Variants in CKAP5 observed in about 807,000 individuals in gnomAD.
CKAP5 encodes cytoskeleton associated protein 5, also known as cytoskeleton-associated protein 5.
In CKAP5, 27 loss-of-function variants were observed where a neutral mutation model predicts 232.8. That is an observed-to-expected ratio of 0.12 (90% CI 0.09 to 0.16). CKAP5 has a LOEUF of 0.16. CKAP5 is among the 10% of genes least tolerant of loss of function. The probability of loss-of-function intolerance (pLI) is 1.00; values close to 1 mark genes in which losing one functional copy is unlikely to be tolerated. For synonymous variants in CKAP5, 785 were observed against 841.1 expected, an observed-to-expected ratio of 0.93 and a Z score of 1.16; for missense variants, 1,838 against 2,424.7, an observed-to-expected ratio of 0.76 and a Z score of 5.08.
chr11:46,777,740 C>A (rs1397916573), intron 22 of CKAP5, among the ~76,000 whole-genome samples, 188 bp from the exon 23 acceptor site: 1 of 152,190 alleles, frequency 6.6e-6, no homozygotes, highest in Non-Finnish European at 1.5e-5. Context: ...GCCTTTTTAT[C>A]ATCAGTTCGT....
Position 46,822,040 on chromosome 11 carries a change from A to G in CKAP5, c.-37-772T>C, listed in dbSNP as rs538695409. Reference sequence around the variant, plus strand: ...GGCGACAGAGTAAGACTCCATCTCAAAAAAATAAAGTCACTCAAAAAATAT... The same window carrying G: ...GGCGACAGAGTAAGACTCCATCTCAGAAAAATAAAGTCACTCAAAAAATAT... On this transcript the variant is annotated intron_variant, in intron 1 of 43. Coordinates refer to ENST00000529230, the MANE Select transcript of CKAP5 (RefSeq NM_001008938.4). Among the ~76,000 whole-genome samples, 68 of 152,174 alleles carry G rather than the reference A, an allele frequency of 4.5e-4. 2 individuals carry two copies. The South Asian group carries it at 0.013, about 30-fold the overall frequency.
chr11:46,789,567 C>A (rs1565736556), intron 15 of CKAP5, among the ~76,000 whole-genome samples: 1 of 152,022 alleles, frequency 6.6e-6, no homozygotes, highest in Non-Finnish European at 1.5e-5. Context: ...GAGGCTGAGG[C>A]GGGCGGATCA....
chr11:46,799,024 C>T (rs931287248), intron 9 of CKAP5, among the ~76,000 whole-genome samples: 14 of 152,278 alleles, frequency 9.2e-5, no homozygotes, highest in African/African-American at 3.1e-4. Flanking sequence ...ACCTATTTGC[C>T]GCCTCTGCTC....
Position 46,811,159 on chromosome 11 carries a change from T to G in CKAP5, c.478A>C (p.Ile160Leu). 6.2e-7 allele frequency: 1 copy of G among 1,612,804 alleles called. No individual in the cohort carries two copies. The highest frequency in any genetic ancestry group is 8.5e-7 in the Non-Finnish European group (1 of 1,179,616). The change falls in exon 5 of 44, where the codon ATC (isoleucine) becomes CTC (leucine). Residue 160 changes from isoleucine to leucine, a missense_variant. This residue lies in a region of CKAP5 where 285 missense variants were observed against 300.0 expected (regional missense o/e 0.95). Transcript: ENST00000529230. Reference sequence around the variant, plus strand: ...ACTTTGATAATTGGCTTAAGCAAGATGATTTTGGAACCAAATTCACTACAA... The same window carrying G: ...ACTTTGATAATTGGCTTAAGCAAGAGGATTTTGGAACCAAATTCACTACAA... ...KALSEFGSKI[I>L]LLKPIIKVLP...
intron 18 of CKAP5, 44 bp from the exon 19 acceptor site, chr11:46,780,529 C>G (rs753442859): frequency 2.0e-6 from 3 of 1,532,302 alleles, no homozygotes; most frequent in Non-Finnish European, 2.7e-6. Context: ...ATGAAACCCT[C>G]AAAATACTCA....
chr11:46,747,136 A>G (rs1347725233), intron 42 of CKAP5, among the ~76,000 whole-genome samples: 2 of 152,150 alleles, frequency 1.3e-5, no homozygotes, highest in Non-Finnish European at 2.9e-5. Context: ...CCCTGTCTCA[A>G]AATAAATAAT....
At position 46,829,884 on chromosome 11, in the gene CKAP5, A is replaced by G. The variant is rs376544562; in HGVS notation, c.-37-8616T>C. 1.7e-4 allele frequency among the ~76,000 whole-genome samples: 23 copies of G among 137,006 alleles called. 1 individual carries two copies. The highest frequency in any genetic ancestry group is 2.8e-5 in the African/African-American group (1 of 36,138). 89.9% of individuals were successfully genotyped at this position (137,006 alleles called of 152,430 possible). ...TGTGTGTGTGTGTGTGTGTGTGTGT[A>G]TCTCACATACACATTTACATATGCA... On this transcript the variant is annotated intron_variant, in intron 1 of 43. Transcript: ENST00000529230.
intron 24 of CKAP5, among the ~76,000 whole-genome samples, chr11:46,771,867 A>G (rs182018472): frequency 1.3e-5 from 2 of 152,302 alleles, no homozygotes; most frequent in African/African-American, 4.8e-5. Context: ...TATTTCCTGA[A>G]GTAGTTGTAC....
chr11:46,841,997 C>CAAAA (rs3031699), intron 1 of CKAP5, among the ~76,000 whole-genome samples: 1 of 109,418 alleles, frequency 9.1e-6, no homozygotes, highest in African/African-American at 3.6e-5. Flanking sequence ...GACTTTGGTT[C>CAAAA]AAAAAAAAAA....
intron 42 of CKAP5, among the ~76,000 whole-genome samples, chr11:46,749,609 G>A (rs1220052403): frequency 6.6e-6 from 1 of 151,982 alleles, no homozygotes; most frequent in Admixed American, 6.6e-5. Context: ...GGAAATAAGA[G>A]AAAGAGAGAA....
At chr11:46,822,741 CAAAAAA>C (rs57170422) in intron 1 of CKAP5, among the ~76,000 whole-genome samples, 1 of 77,874 alleles carries the variant, frequency 1.3e-5, no homozygotes, top group African/African-American at 5.0e-5. Context: ...GACTCCGTCC[CAAAAAA>C]AAAAAAAAAA....
intron 38 of CKAP5, among the ~76,000 whole-genome samples, chr11:46,752,420 A>G (rs1321486774): frequency 6.6e-6 from 1 of 151,428 alleles, no homozygotes; most frequent in Non-Finnish European, 1.5e-5. Flanking sequence ...TCCTCAACTC[A>G]GCCTCCTGAG....
At chr11:46,761,959 C>A in intron 32 of CKAP5, 41 bp downstream of exon 32, 1 of 1,531,966 alleles carries the variant, frequency 6.5e-7, no homozygotes, top group Non-Finnish European at 8.9e-7. Flanking sequence ...TCTTGCAATT[C>A]TTTTCACGAC....
chr11:46,809,655 A>G lies in CKAP5; in HGVS notation c.763+87T>C, dbSNP rs1939232805. 44 of 1,503,468 alleles carry G rather than the reference A, an allele frequency of 2.9e-5. No homozygotes were observed. In the South Asian group the frequency reaches 5.1e-4, roughly 17 times the overall value. 93.1% of individuals were successfully genotyped at this position (1,503,468 alleles called of 1,614,324 possible). A position where few individuals can be genotyped will look rare whatever the true frequency, so the allele number is the denominator to read the frequency against. On this transcript the variant is annotated intron_variant, in intron 6 of 43. Coordinates refer to ENST00000529230, the MANE Select transcript of CKAP5 (RefSeq NM_001008938.4). ...CTTATATTTTATTAAAGGCAATCCTACAAAATATGCCTAATGAACACAGAT... is the reference window on the plus strand; with the variant it reads ...CTTATATTTTATTAAAGGCAATCCTGCAAAATATGCCTAATGAACACAGAT...
chr11:46,819,879 A>AT (rs990231154), intron 2 of CKAP5, among the ~76,000 whole-genome samples: 1 of 152,036 alleles, frequency 6.6e-6, no homozygotes, highest in Non-Finnish European at 1.5e-5. Context: ...AACCAGATTT[A>AT]TTTTTTTATT....
chr11:46,771,080 T>C (rs776823342), intron 24 of CKAP5, 98 bp from the exon 25 acceptor site: 71 of 1,016,202 alleles, frequency 7.0e-5, no homozygotes, highest in Non-Finnish European at 9.2e-5. Context: ...AAGCACTGAA[T>C]TAGCTTTCAC....
At position 46,754,920 on chromosome 11, in the gene CKAP5, A is replaced by G; in HGVS notation, c.4837T>C (p.Leu1613=). ...EKLEKDEIIK[L]YSCIIGNMIS... ...ATGTTGCCAATGATACAGCTATACA[A>G]CTTGATGATCTCGTCCTTCTCCAAT... Residue 1613 remains leucine, a synonymous_variant, in exon 36 of 44, where the codon TTG becomes CTG. Coordinates refer to ENST00000529230, the MANE Select transcript of CKAP5 (RefSeq NM_001008938.4). The G allele has an allele frequency of 6.2e-7, 1 of 1,613,796 alleles. No individual in the cohort carries two copies. Among genetic ancestry groups the G allele is most frequent in the Non-Finnish European group, 8.5e-7 (1 of 1,179,886 alleles).
At chr11:46,810,845 C>T (rs1416920888) in intron 5 of CKAP5, among the ~76,000 whole-genome samples, 162 bp downstream of exon 5, 3 of 152,122 alleles carry the variant, frequency 2.0e-5, no homozygotes, top group Non-Finnish European at 2.9e-5. Flanking sequence ...AGTTCTGCCA[C>T]CCAAGAGAAT....
intron 35 of CKAP5, among the ~76,000 whole-genome samples, chr11:46,756,393 G>GA (rs906925339): frequency 3.0e-4 from 45 of 150,746 alleles, no homozygotes; most frequent in African/African-American, 9.7e-4. Flanking sequence ...CTGCAAAGGT[G>GA]AAAAAAAAAG....
Sources: allele counts gnomAD v4.1 joint callset (sites outside exome capture counted in the v4.1 genomes callset), GRCh38; gene constraint gnomAD v4.1.1; regional missense constraint gnomAD v4.1.1; transcripts MANE v1.5; gene names NCBI Gene and HGNC (gene_info 2026-07-23, HGNC 2026-07-21).